The following NPM1 variants were observed in gnomAD, a reference collection of about 807,000 sequenced individuals.
NPM1 encodes the protein nucleophosmin.
Under a neutral mutation model 44.1 loss-of-function variants are expected in NPM1, and 1 was observed. That is an observed-to-expected ratio of 0.02 (90% CI 0.01 to 0.11). The LOEUF is 0.11. Among genes scored for constraint, NPM1 ranks in the 10% least tolerant of loss-of-function variants. The pLI is 1.00. For synonymous variants in NPM1, 126 were observed against 111.8 expected, an observed-to-expected ratio of 1.13 and a Z score of -0.80; for missense variants, 197 against 347.8, an observed-to-expected ratio of 0.57 and a Z score of 3.45.
intron 6 of NPM1, among the ~76,000 whole-genome samples, chr5:171,398,850 T>C (rs1373842173): frequency 6.6e-6 from 1 of 152,190 alleles, no homozygotes; most frequent in East Asian, 1.9e-4. Context: ...ACAACACTGT[T>C]CCTCTGTGGT....
chr5:171,389,169 C>T (rs1250744729), intron 1 of NPM1, among the ~76,000 whole-genome samples: 6 of 152,152 alleles, frequency 3.9e-5, no homozygotes, highest in African/African-American at 1.2e-4. Context: ...GGATTAATTG[C>T]AGAAGCCTAA....
At chr5:171,391,989 G>C (rs1022816636) in intron 4 of NPM1, among the ~76,000 whole-genome samples, 190 bp downstream of exon 4, 2 of 151,922 alleles carry the variant, frequency 1.3e-5, no homozygotes, top group African/African-American at 4.8e-5. Flanking sequence ...TGTCACCCAG[G>C]CTAGAGTACA....
rs962853870 is a variant in NPM1, at chr5:171,398,281, C to G, written c.525-1872C>G. Among the ~76,000 whole-genome samples the G allele has an allele frequency of 2.1e-4, 32 of 152,130 alleles. 1 individual carries two copies. Among genetic ancestry groups the G allele is most frequent in the Admixed American group, 1.5e-3 (23 of 15,278 alleles). ...AATCCTAAGAAATCATTGCTAAATT[C>G]AAAGTTGTGAAAATTTGCCCCCTTA... On this transcript the variant is annotated intron_variant, in intron 6 of 10. Coordinates refer to ENST00000296930, the MANE Select transcript of NPM1 (RefSeq NM_002520.7).
intron 9 of NPM1, chr5:171,406,411 C>T: frequency 1.2e-6 from 2 of 1,613,120 alleles, no homozygotes; most frequent in Non-Finnish European, 1.7e-6. Context: ...ATTGAACAGT[C>T]CTGGGCACTA....
chr5:171,394,631 G>A (rs574169977), intron 6 of NPM1, among the ~76,000 whole-genome samples: 11 of 152,230 alleles, frequency 7.2e-5, no homozygotes, highest in South Asian at 6.2e-4. Context: ...AATATTTCTC[G>A]TTAGTAAGAA....
chr5:171,408,316 T>A (rs1771668956), intron 10 of NPM1, among the ~76,000 whole-genome samples: 1 of 152,210 alleles, frequency 6.6e-6, no homozygotes, highest in African/African-American at 2.4e-5. Flanking sequence ...AACATAAAGA[T>A]TATGCATTTA....
chr5:171,395,693 G>A (rs1770844782), intron 6 of NPM1, among the ~76,000 whole-genome samples: 1 of 152,166 alleles, frequency 6.6e-6, no homozygotes, highest in Admixed American at 6.5e-5. Flanking sequence ...TAGATAGATG[G>A]CAATGAAAAT....
rs1159567999 is a variant in NPM1, at chr5:171,387,876, C to G, written c.-73C>G. 7.2e-7 allele frequency: 1 copy of G among 1,380,106 alleles called. No individual in the cohort carries two copies. The highest frequency in any genetic ancestry group is 1.0e-6 in the Non-Finnish European group (1 of 970,576). 85.5% of individuals were successfully genotyped at this position (1,380,106 alleles called of 1,614,324 possible). ...TTCCCTGGTGTGATTCCGTCCTGCGCGGTTGTTCTCTGGAGCAGCGTTCTT... is the reference window on the plus strand; with the variant it reads ...TTCCCTGGTGTGATTCCGTCCTGCGGGGTTGTTCTCTGGAGCAGCGTTCTT... On this transcript the variant is annotated 5_prime_UTR_variant, in exon 1 of 11. Coordinates refer to ENST00000296930, the MANE Select transcript of NPM1 (RefSeq NM_002520.7).
Position 171,391,795 on chromosome 5 carries a change from A to G in NPM1, c.348A>G (p.Leu116=). 1 of 1,578,662 alleles carries G rather than the reference A, an allele frequency of 6.3e-7. No homozygotes were observed. Among genetic ancestry groups the G allele is most frequent in the Non-Finnish European group, 8.7e-7 (1 of 1,148,996 alleles). The change falls in exon 4 of 11, where the codon TTA becomes TTG. Residue 116 remains leucine, a synonymous_variant. Coordinates refer to ENST00000296930, the MANE Select transcript of NPM1 (RefSeq NM_002520.7). ...CAGTGCATATTAGTGGACAGCACTT[A>G]GTAGGTATGTTATTTTTATATATTA... ...SGPVHISGQH[L]VAVEEDAESE... is the part of the protein sequence containing the mutation.
chr5:171,387,662 G>A (rs998351364), upstream of NPM1: 9 of 479,338 alleles, frequency 1.9e-5, no homozygotes, highest in Non-Finnish European at 3.4e-5. Context: ...CGCGTGCTCG[G>A]TGGGAGCCCG....
chr5:171,389,493 A>G (rs1403342746), intron 1 of NPM1, among the ~76,000 whole-genome samples: 1 of 152,244 alleles, frequency 6.6e-6, no homozygotes. Flanking sequence ...ACTATCGGAA[A>G]GAACCCTCCT....
intron 4 of NPM1, 86 bp downstream of exon 4, chr5:171,391,885 A>T: frequency 1.4e-6 from 1 of 730,556 alleles, no homozygotes; most frequent in Non-Finnish European, 2.4e-6. Flanking sequence ...AAGCATGGGT[A>T]TAGTACTACT....
At chr5:171,405,237 G>C (rs1771499158) in intron 8 of NPM1, 65 bp from the exon 9 acceptor site, 1 of 750,522 alleles carries the variant, frequency 1.3e-6, no homozygotes, top group African/African-American at 1.8e-5. Flanking sequence ...AATCCAGATA[G>C]AATGGGTTTT....
chr5:171,409,381 G>C (rs1234369120), intron 10 of NPM1, among the ~76,000 whole-genome samples: 1 of 151,952 alleles, frequency 6.6e-6, no homozygotes, highest in Non-Finnish European at 1.5e-5. Flanking sequence ...GCAAAACTCT[G>C]TCTCTACTAA....
At chr5:171,410,454 A>G in intron 10 of NPM1, 73 bp from the exon 11 acceptor site, 1 of 927,454 alleles carries the variant, frequency 1.1e-6, no homozygotes, top group Non-Finnish European at 1.7e-6. Context: ...AACTATGCAA[A>G]GAGACATTTA....
At chr5:171,401,351 CA>C (rs542259785) in intron 8 of NPM1, among the ~76,000 whole-genome samples, 4,782 of 142,990 alleles carry the variant, frequency 0.033, 102 homozygotes, top group Non-Finnish European at 0.043. Context: ...ACTCCGCCTC[CA>C]AAAAAAAAAA....
At position 171,410,505 on chromosome 5, in the gene NPM1, A is replaced by G. The variant is rs757229374; in HGVS notation, c.847-22A>G. On this transcript the variant is annotated intron_variant, in intron 10 of 10. Transcript: ENST00000296930. The stretch of plus-strand genomic sequence containing the variant: ...TGAAGTGTTGTGGTTCCTTAACCAC[A>G]TTTCTTTTTTTTTTTTTCCAGGCTA... 8 of 1,492,574 alleles carry G rather than the reference A, an allele frequency of 5.4e-6. No individual in the cohort carries two copies. In the African/African-American group the frequency reaches 1.0e-4, roughly 19 times the overall value. 92.5% of individuals were successfully genotyped at this position (1,492,574 alleles called of 1,614,324 possible). A position where few individuals can be genotyped will look rare whatever the true frequency, so the allele number is the denominator to read the frequency against.
chr5:171,400,177 T>A lies in NPM1; in HGVS notation c.549T>A (p.Asp183Glu). Residue 183 changes from aspartate to glutamate, a missense_variant, in exon 7 of 11, where the codon GAT (aspartate) becomes GAA (glutamate). Asp to Glu is a conservative substitution (Grantham distance 45, BLOSUM62 2). Coordinates refer to ENST00000296930, the MANE Select transcript of NPM1 (RefSeq NM_002520.7). ...GTGATGATGATGATGATTTTGATGA[T>A]GAGGAAGCTGAAGAAAAAGCGCCAG... ...DEDDDDDDFDDEEAEEKAPVK... is the reference protein window; with the variant it reads ...DEDDDDDDFDEEEAEEKAPVK... The A allele has an allele frequency of 6.2e-7, 1 of 1,604,346 alleles. No individual in the cohort carries two copies. The highest frequency in any genetic ancestry group is 8.5e-7 in the Non-Finnish European group (1 of 1,171,326).
At position 171,394,704 on chromosome 5, in the gene NPM1, G is replaced by T. The variant is rs374647224; in HGVS notation, c.524+1726G>T. The stretch of plus-strand genomic sequence containing the variant: ...AAAAACACAAATTAGAAATAGGGAT[G>T]GTATGGTTCGGATTGGTTTAGTCTG... On this transcript the variant is annotated intron_variant, in intron 6 of 10. Coordinates refer to ENST00000296930, the MANE Select transcript of NPM1 (RefSeq NM_002520.7). 2.6e-5 allele frequency among the ~76,000 whole-genome samples: 4 copies of T among 152,286 alleles called. No homozygotes were observed. In the East Asian group the frequency reaches 5.8e-4, roughly 22 times the overall value.
Sources: gnomAD v4.1 joint callset for allele counts (sites outside exome capture counted in the v4.1 genomes callset) on GRCh38, gnomAD v4.1.1 for gene constraint, MANE v1.5 for transcripts, NCBI Gene and HGNC (gene_info 2026-07-23, HGNC 2026-07-21) for gene names.